The following SNX29 variants were observed in gnomAD, a reference collection of about 807,000 sequenced individuals.
SNX29 encodes the protein sorting nexin 29.
In SNX29, 78 loss-of-function variants were observed where a neutral mutation model predicts 102.1. That is an observed-to-expected ratio of 0.76 (90% CI 0.64 to 0.92). The LOEUF (loss-of-function observed/expected upper bound fraction) is 0.92. SNX29 is among the 40% of genes least tolerant of loss of function. SNX29 has a pLI of 0.00. For missense variants in SNX29, 1,280 were observed against 1,061.7 expected, an observed-to-expected ratio of 1.21 and a Z score of -2.86; for synonymous variants, 580 against 414.5, an observed-to-expected ratio of 1.40 and a Z score of -4.85.
chr16:11,988,862 T>G (rs1268259949), intron 1 of SNX29, among the ~76,000 whole-genome samples: 2 of 152,252 alleles, frequency 1.3e-5, no homozygotes, highest in Non-Finnish European at 2.9e-5. Flanking sequence ...ATGGTTGCTT[T>G]CAGGCTGCAA....
chr16:12,284,084 G>A (rs1437175831), intron 15 of SNX29, among the ~76,000 whole-genome samples: 1 of 152,188 alleles, frequency 6.6e-6, no homozygotes, highest in Non-Finnish European at 1.5e-5. Flanking sequence ...CTTTGGTTTG[G>A]ACTCATCTTC....
At chr16:12,321,693 C>T (rs149183446) in intron 15 of SNX29, among the ~76,000 whole-genome samples, 2 of 152,242 alleles carry the variant, frequency 1.3e-5, no homozygotes, top group African/African-American at 4.8e-5. Flanking sequence ...TCCAACCAGC[C>T]TGTGGATACC....
intron 10 of SNX29, among the ~76,000 whole-genome samples, chr16:12,078,588 G>A (rs956425053): frequency 5.3e-5 from 8 of 152,208 alleles, no homozygotes; most frequent in African/African-American, 1.9e-4. Flanking sequence ...GCCTCTGCAC[G>A]TGTTCATGAA....
At chr16:12,505,212 G>C (rs2089317892) in intron 19 of SNX29, among the ~76,000 whole-genome samples, 1 of 152,180 alleles carries the variant, frequency 6.6e-6, no homozygotes, top group Non-Finnish European at 1.5e-5. Context: ...GGAACTGCCA[G>C]GTCATGTGGT....
intron 20 of SNX29, among the ~76,000 whole-genome samples, chr16:12,538,644 C>T (rs140571296): frequency 4.6e-5 from 7 of 152,212 alleles, no homozygotes; most frequent in Admixed American, 1.3e-4. Flanking sequence ...AAAAACTGGG[C>T]TGTGAAACAG....
intron 18 of SNX29, among the ~76,000 whole-genome samples, chr16:12,469,126 A>G (rs970508792): frequency 1.3e-5 from 2 of 152,210 alleles, no homozygotes; most frequent in African/African-American, 2.4e-5. Context: ...CTTCTTTCAA[A>G]GATCTGTGGA....
chr16:12,170,907 CTG>C (rs1444490870), intron 13 of SNX29, among the ~76,000 whole-genome samples: 2 of 151,896 alleles, frequency 1.3e-5, no homozygotes, highest in African/African-American at 4.8e-5. Flanking sequence ...CCCGGAGGCC[CTG>C]ATGGCTGGAG....
At chr16:12,256,903 C>G (rs2078590225) in intron 14 of SNX29, among the ~76,000 whole-genome samples, 1 of 152,194 alleles carries the variant, frequency 6.6e-6, no homozygotes, top group South Asian at 2.1e-4. Flanking sequence ...GCTTTTCCCA[C>G]CAAAACTTCA....
At chr16:12,565,488 C>T (rs908152739) in intron 20 of SNX29, among the ~76,000 whole-genome samples, 26 of 152,326 alleles carry the variant, frequency 1.7e-4, no homozygotes, top group African/African-American at 6.0e-4. Flanking sequence ...AGCACCCCTG[C>T]CTCCAAGCCT....
At chr16:12,532,749 T>C (rs988370545) in intron 20 of SNX29, among the ~76,000 whole-genome samples, 1 of 151,958 alleles carries the variant, frequency 6.6e-6, no homozygotes, top group Admixed American at 6.6e-5. Context: ...GGATGGAAGC[T>C]GGGGACAGGG....
At chr16:12,007,974 C>T (rs540953659) in intron 3 of SNX29, among the ~76,000 whole-genome samples, 76 of 152,222 alleles carry the variant, frequency 5.0e-4, no homozygotes, top group Non-Finnish European at 8.2e-4. Context: ...GATGGAGTCT[C>T]GCTCTGTCAC....
chr16:12,562,684 G>A (rs888737881), intron 20 of SNX29, among the ~76,000 whole-genome samples: 3 of 152,136 alleles, frequency 2.0e-5, no homozygotes, highest in Non-Finnish European at 2.9e-5. Flanking sequence ...TACAGGCACT[G>A]CCTTCTTTGG....
At chr16:12,021,571 C>T (rs760712611) in intron 3 of SNX29, among the ~76,000 whole-genome samples, 25 of 152,186 alleles carry the variant, frequency 1.6e-4, no homozygotes, top group Middle Eastern at 3.4e-3. Flanking sequence ...TTAATAGATT[C>T]GTGTGCAGAT....
intron 8 of SNX29, chr16:12,052,430 T>G (rs1184286092): frequency 8.2e-6 from 4 of 486,476 alleles, no homozygotes; most frequent in Non-Finnish European, 1.5e-5. Flanking sequence ...TTGGCCAGGC[T>G]GGTCTCAAAC....
chr16:12,537,361 C>G (rs887602428), intron 20 of SNX29, among the ~76,000 whole-genome samples: 17 of 152,200 alleles, frequency 1.1e-4, no homozygotes, highest in African/African-American at 3.4e-4. Flanking sequence ...TCATTGGCAA[C>G]TTGGTGCATG....
intron 20 of SNX29, among the ~76,000 whole-genome samples, chr16:12,555,805 C>G (rs2078303555): frequency 6.6e-6 from 1 of 152,210 alleles, no homozygotes; most frequent in Admixed American, 6.5e-5. Flanking sequence ...TCCTGCCTGC[C>G]TCTGCAAGAA....
chr16:12,154,333 C>T (rs1038789322), intron 13 of SNX29, among the ~76,000 whole-genome samples: 2 of 145,150 alleles, frequency 1.4e-5, no homozygotes, highest in Non-Finnish European at 3.1e-5. Flanking sequence ...GGCAGGCTGT[C>T]CCCCGTTCTG....
intron 11 of SNX29, among the ~76,000 whole-genome samples, chr16:12,092,784 C>T (rs1465189683): frequency 6.6e-6 from 1 of 152,184 alleles, no homozygotes; most frequent in Non-Finnish European, 1.5e-5. Flanking sequence ...CTTGCCTGAC[C>T]TCGTTAGTTT....
chr16:12,398,365 G>C, intron 16 of SNX29, 81 bp from the exon 17 acceptor site: 1 of 1,450,956 alleles, frequency 6.9e-7, no homozygotes, highest in African/African-American at 1.4e-5. Context: ...ATCTCTGAGA[G>C]GCAGAATTCT....
Sources: allele counts gnomAD v4.1 joint callset (sites outside exome capture counted in the v4.1 genomes callset), GRCh38; gene constraint gnomAD v4.1.1; transcripts MANE v1.5; gene names NCBI Gene and HGNC (gene_info 2026-07-23, HGNC 2026-07-21).